Variants in C19orf18 observed in about 807,000 individuals in gnomAD.
C19orf18 encodes uncharacterized protein C19orf18.
C19orf18 carries 21 observed loss-of-function variants against 23.3 expected under a neutral mutation model. The observed-to-expected ratio is 0.90, with a 90% confidence interval of 0.64 to 1.30. The LOEUF (loss-of-function observed/expected upper bound fraction) is 1.30, where lower values mean the gene tolerates loss of function less well. Among genes scored for constraint, C19orf18 ranks in the 50% most tolerant of loss-of-function variants. The probability of loss-of-function intolerance (pLI) is 0.00; values close to 1 mark genes in which losing one functional copy is unlikely to be tolerated. For synonymous variants in C19orf18, 96 were observed against 95.2 expected (o/e 1.01, Z -0.05); for missense variants, 249 against 259.6 (o/e 0.96, Z 0.28).
rs2072872302 is a variant in C19orf18 at position 57,961,547 on chromosome 19, G to A, written c.376C>T (p.Leu126=). The A allele has an allele frequency of 1.9e-6, 3 of 1,609,656 alleles. No individual in the cohort carries two copies. Among genetic ancestry groups the A allele is most frequent in the Non-Finnish European group, 2.5e-6 (3 of 1,178,906 alleles). The change falls in exon 5 of 6, where the codon CTG becomes TTG. Residue 126 remains leucine (L), a synonymous_variant. Coordinates refer to ENST00000314391, the MANE Select transcript of C19orf18 (RefSeq NM_152474.5). ...TGTTGTCTTTCCTCAGCCTGTGCCA[G>A]TCGACTGGAGAATGATATAAATGAA... ...GMAISYMIYR[L]AQAEERQQLE...
At chr19:57,963,248 C>A (rs1051890893) in intron 4 of C19orf18, among the ~76,000 whole-genome samples, 1 of 151,818 alleles carries the variant, frequency 6.6e-6, no homozygotes, top group African/African-American at 2.4e-5. Context: ...AGGCTGGTCT[C>A]GAACTCCCAA....
chr19:57,972,335 T>A, intron 3 of C19orf18, 128 bp downstream of exon 3: 1 of 1,127,640 alleles, frequency 8.9e-7, no homozygotes, highest in South Asian at 1.6e-5. Flanking sequence ...GGGCACCTTG[T>A]CTAACACACA....
At chr19:57,963,795 CAGG>C (rs1422942031) in intron 4 of C19orf18, among the ~76,000 whole-genome samples, 2 of 152,032 alleles carry the variant, frequency 1.3e-5, no homozygotes, top group Non-Finnish European at 2.9e-5. Flanking sequence ...GAGGCTGAGG[CAGG>C]AGAATGGCGT....
At chr19:57,966,241 T>G (rs1234298501) in intron 4 of C19orf18, among the ~76,000 whole-genome samples, 1 of 152,148 alleles carries the variant, frequency 6.6e-6, no homozygotes, top group African/African-American at 2.4e-5. Context: ...CCTTCCAAAG[T>G]GCTGGGATTA....
intron 3 of C19orf18, among the ~76,000 whole-genome samples, chr19:57,971,853 T>A (rs931863035): frequency 2.6e-5 from 4 of 152,298 alleles, no homozygotes; most frequent in Non-Finnish European, 4.4e-5. Context: ...GGACTCCTGC[T>A]TCTAGGGACC....
intron 5 of C19orf18, among the ~76,000 whole-genome samples, chr19:57,959,885 G>C (rs1465064036): frequency 6.6e-6 from 1 of 151,824 alleles, no homozygotes; most frequent in Non-Finnish European, 1.5e-5. Flanking sequence ...CGAGGCGGGT[G>C]GATCAATTGA....
Position 57,966,621 on chromosome 19 carries a change from G to A in C19orf18, c.280C>T (p.His94Tyr). ...KFLRNKAIIR[H>Y]RPALVKVILI... ...ATTACTTTAACAAGAGCAGGTCTAT[G>A]CCGAATTATTGCTAAAAAGAAAGAA... Residue 94 changes from histidine (H) to tyrosine (Y), a missense_variant, in exon 4 of 6, where the codon CAT (histidine) becomes TAT (tyrosine). By Grantham distance (83) the His-to-Tyr change is moderately conservative. Transcript: ENST00000314391. 6.2e-7 allele frequency: 1 copy of A among 1,609,326 alleles called. No homozygotes were observed. Among genetic ancestry groups the A allele is most frequent in the Non-Finnish European group, 8.5e-7 (1 of 1,176,266 alleles).
intron 4 of C19orf18, among the ~76,000 whole-genome samples, chr19:57,965,967 ATTTTC>A (rs2123224968): frequency 1.3e-5 from 2 of 148,304 alleles, no homozygotes; most frequent in East Asian, 2.0e-4. Context: ...TTTAAGTAAT[ATTTTC>A]TTTTCTTTTT....
chr19:57,972,581 A>C lies in C19orf18; in HGVS notation c.227-77T>G. The C allele has an allele frequency of 3.3e-6, 5 of 1,524,702 alleles. No individual in the cohort carries two copies. In the South Asian group the frequency reaches 5.7e-5, roughly 17 times the overall value. The allele number at this position is 1,524,702 out of a possible 1,614,324, so 94.4% of individuals were successfully genotyped here. ...GATGAACTTGGGAAAACAAGGAAAT[A>C]ACTTAGCATTAGAGAAGGACGCCGA... On this transcript the variant is annotated intron_variant, in intron 2 of 5. Coordinates refer to ENST00000314391, the MANE Select transcript of C19orf18 (RefSeq NM_152474.5).
At chr19:57,972,315 C>T in intron 3 of C19orf18, 148 bp downstream of exon 3, 2 of 910,560 alleles carry the variant, frequency 2.2e-6, no homozygotes, top group Non-Finnish European at 3.3e-6. Context: ...TGCGCATCCC[C>T]CTCCAGAGGG....
intron 5 of C19orf18, among the ~76,000 whole-genome samples, chr19:57,960,218 A>G (rs1200804917): frequency 3.9e-5 from 6 of 152,052 alleles, no homozygotes; most frequent in Non-Finnish European, 7.4e-5. Flanking sequence ...CAAGGTCAGG[A>G]GATCGAGACC....
chr19:57,965,186 T>C (rs958610267), intron 4 of C19orf18, among the ~76,000 whole-genome samples: 5 of 151,710 alleles, frequency 3.3e-5, no homozygotes, highest in African/African-American at 1.2e-4. Flanking sequence ...CCAGGCTGAA[T>C]TGCAATGGCG....
chr19:57,974,272 A>C (rs2072967766), intron 1 of C19orf18, 40 bp downstream of exon 1: 1 of 1,613,660 alleles, frequency 6.2e-7, no homozygotes, highest in African/African-American at 1.3e-5. Flanking sequence ...ACAGCTTTTC[A>C]ATTCTCCCTG....
At chr19:57,962,779 C>G (rs1246195212) in intron 4 of C19orf18, among the ~76,000 whole-genome samples, 1 of 151,754 alleles carries the variant, frequency 6.6e-6, no homozygotes, top group Non-Finnish European at 1.5e-5. Context: ...ATCACTTGAA[C>G]CTGGGAGGCG....
intron 3 of C19orf18, among the ~76,000 whole-genome samples, 200 bp downstream of exon 3, chr19:57,972,263 G>A (rs1260595240): frequency 6.6e-6 from 1 of 152,196 alleles, no homozygotes; most frequent in Admixed American, 6.5e-5. Flanking sequence ...ACATCAGCCC[G>A]TGGAGTTGAG....
chr19:57,961,036 CCATCCTGGCTAAA>C (rs2072867172), intron 5 of C19orf18, among the ~76,000 whole-genome samples: 2 of 152,020 alleles, frequency 1.3e-5, no homozygotes, highest in Non-Finnish European at 2.9e-5. Context: ...CCTTCCGAGA[CCATCCTGGCTAAA>C]ATGGTGAAAC....
chr19:57,963,421 A>G (rs1411758155), intron 4 of C19orf18, among the ~76,000 whole-genome samples: 1 of 152,200 alleles, frequency 6.6e-6, no homozygotes, highest in African/African-American at 2.4e-5. Context: ...GATAGGATCC[A>G]AACAGTGCTG....
In C19orf18 at chr19:57,961,541, GT is replaced by G. The variant is rs2072872246; in HGVS notation, c.381del (p.Gln128ArgfsTer20). The G allele has an allele frequency of 1.9e-6, 3 of 1,611,626 alleles. No homozygotes were observed. The African/African-American group carries it at 4.0e-5, about 22-fold the overall frequency. ...MAISYMIYRL[A>X]QAEERQQLES... The stretch of plus-strand genomic sequence containing the variant: ...TCGAGCTGTTGTCTTTCCTCAGCCT[GT>G]GCCAGTCGACTGGAGAATGATATAA... On this transcript the variant is annotated frameshift_variant, in exon 5 of 6. Coordinates refer to ENST00000314391, the MANE Select transcript of C19orf18 (RefSeq NM_152474.5). LOFTEE classifies it high-confidence loss of function.
chr19:57,963,995 T>C (rs1215580432), intron 4 of C19orf18, among the ~76,000 whole-genome samples: 1 of 152,216 alleles, frequency 6.6e-6, no homozygotes, highest in East Asian at 1.9e-4. Flanking sequence ...AATAGTATTT[T>C]CAAAATCTAC....
Sources: gnomAD v4.1 joint callset for allele counts (sites outside exome capture counted in the v4.1 genomes callset) on GRCh38, gnomAD v4.1.1 for gene constraint, MANE v1.5 for transcripts, NCBI Gene and HGNC (gene_info 2026-07-23, HGNC 2026-07-21) for gene names.